ZNF680: variants seen among roughly 807,000 people sequenced by gnomAD.
The protein encoded by ZNF680 is zinc finger protein 680.
In ZNF680, 6 loss-of-function variants were observed where a neutral mutation model predicts 12.1. The observed-to-expected ratio is 0.49, with a 90% CI of 0.27 to 0.98. The LOEUF (loss-of-function observed/expected upper bound fraction) is 0.98, where lower values mean the gene tolerates loss of function less well. Ranked by LOEUF, ZNF680 falls within the 50% of genes least tolerant of loss-of-function variation. The probability of loss-of-function intolerance (pLI) is 0.12; values close to 1 mark genes in which losing one functional copy is unlikely to be tolerated. For missense variants in ZNF680, 561 were observed against 616.3 expected (o/e 0.91, Z 0.95); for synonymous variants, 170 against 199.3 (o/e 0.85, Z 1.24).
intron 1 of ZNF680, among the ~76,000 whole-genome samples, chr7:64,552,357 C>A (rs1459053614): frequency 6.6e-6 from 1 of 152,068 alleles, no homozygotes; most frequent in Non-Finnish European, 1.5e-5. Context: ...TCGGTCACCA[C>A]CAGCACTTTT....
downstream of ZNF680, among the ~76,000 whole-genome samples, chr7:64,517,032 T>TA (rs372270106): frequency 6.6e-6 from 1 of 152,030 alleles, no homozygotes; most frequent in East Asian, 1.9e-4. Context: ...CACAATATAC[T>TA]AAGGTCACAC....
At chr7:64,529,412 A>C (rs930022471) in intron 3 of ZNF680, among the ~76,000 whole-genome samples, 2 of 152,238 alleles carry the variant, frequency 1.3e-5, no homozygotes, top group African/African-American at 4.8e-5. Context: ...AATTCAAAGA[A>C]CAATACACAA....
chr7:64,534,869 G>A (rs891687331), intron 3 of ZNF680, among the ~76,000 whole-genome samples: 2 of 152,164 alleles, frequency 1.3e-5, no homozygotes, highest in Non-Finnish European at 2.9e-5. Context: ...ACCTGGATGA[G>A]ATTGGAGACT....
intron 3 of ZNF680, among the ~76,000 whole-genome samples, chr7:64,528,324 G>GAATCCATCA (rs1322503443): frequency 5.9e-5 from 9 of 152,182 alleles, no homozygotes; most frequent in African/African-American, 1.2e-4. Context: ...CAAAGGGCGA[G>GAATCCATCA]AATCCATCAA....
chr7:64,546,863 G>T (rs1000258248), intron 1 of ZNF680, among the ~76,000 whole-genome samples: 1 of 152,088 alleles, frequency 6.6e-6, no homozygotes, highest in South Asian at 2.1e-4. Context: ...AACCCGAACA[G>T]AACAGGCCCT....
At chr7:64,511,746 A>G in the ZNF680 span, among the ~76,000 whole-genome samples, 1 of 65,396 alleles carries the variant, frequency 1.5e-5, no homozygotes, top group Non-Finnish European at 2.8e-5. Flanking sequence ...GTTTTAATTA[A>G]TAAAAAAAAA....
chr7:64,543,739 C>T lies in ZNF680; in HGVS notation c.221G>A (p.Arg74Lys). The part of the protein sequence containing the change: ...CLEQGKEPWN[R>K]KRQEMVAKPP... ...TTTGGCTACCATCTCCTGTCTCTTC[C>T]TATTCCAGGGCTCTTTTCCTTGCTC... Residue 74 changes from arginine (R) to lysine (K), a missense_variant, in exon 3 of 4, where the codon AGG becomes AAG. Arg to Lys is a conservative substitution (Grantham distance 26, BLOSUM62 2). Coordinates refer to ENST00000309683, the MANE Select transcript of ZNF680 (RefSeq NM_178558.5). The T allele has an allele frequency of 6.2e-7, 1 of 1,613,686 alleles. No individual in the cohort carries two copies. Among genetic ancestry groups the T allele is most frequent in the Non-Finnish European group, 8.5e-7 (1 of 1,179,766 alleles).
chr7:64,539,130 C>CAAAAA (rs529165573), intron 3 of ZNF680, among the ~76,000 whole-genome samples: 3 of 77,702 alleles, frequency 3.9e-5, no homozygotes, highest in Non-Finnish European at 7.1e-5. Flanking sequence ...GACTCCATCT[C>CAAAAA]AAAAAAAAAA....
intron 3 of ZNF680, among the ~76,000 whole-genome samples, chr7:64,539,367 A>AAAAAAAAAAAAAAAAAAAAAAAAAAT (rs1786368427): frequency 7.2e-6 from 1 of 138,528 alleles, no homozygotes; most frequent in Admixed American, 7.4e-5. Flanking sequence ...AAAAAAAAAA[A>AAAAAAAAAAAAAAAAAAAAAAAAAAT]AAAAAAAAGA....
At chr7:64,527,780 G>C (rs778539324) in intron 3 of ZNF680, among the ~76,000 whole-genome samples, 1 of 152,176 alleles carries the variant, frequency 6.6e-6, no homozygotes, top group Non-Finnish European at 1.5e-5. Context: ...ACAAATCTGG[G>C]GGCATCATGG....
chr7:64,534,520 G>A (rs1230094823), intron 3 of ZNF680, among the ~76,000 whole-genome samples: 4 of 152,174 alleles, frequency 2.6e-5, no homozygotes, highest in Non-Finnish European at 5.9e-5. Context: ...AGTAGATGCT[G>A]GCACAGATGC....
chr7:64,527,988 C>T (rs1051675671), intron 3 of ZNF680, among the ~76,000 whole-genome samples: 2 of 152,238 alleles, frequency 1.3e-5, no homozygotes, highest in Admixed American at 6.5e-5. Flanking sequence ...AGTATACAAA[C>T]TGCAGAAGTG....
At chr7:64,549,678 T>TAA (rs535286350) in intron 1 of ZNF680, among the ~76,000 whole-genome samples, 108 of 142,412 alleles carry the variant, frequency 7.6e-4, no homozygotes, top group Admixed American at 1.3e-3. Flanking sequence ...TATGTCTACC[T>TAA]AAAAAAAAAA....
rs561912202 is a variant in ZNF680, at chr7:64,535,743, A to G, written c.253+7964T>C. Among the ~76,000 whole-genome samples the G allele has an allele frequency of 5.0e-3, 754 of 152,186 alleles. 3 individuals carry two copies. Among genetic ancestry groups the G allele is most frequent in the Non-Finnish European group, 8.2e-3 (555 of 68,004 alleles). Reference sequence around the variant, plus strand: ...TGAATCACTTGAGGTCAGGAGTTCGAGACCAGCCTGGACAAAATGATGAAA... The same window carrying G: ...TGAATCACTTGAGGTCAGGAGTTCGGGACCAGCCTGGACAAAATGATGAAA... On this transcript the variant is annotated intron_variant, in intron 3 of 3. Coordinates refer to ENST00000309683, the MANE Select transcript of ZNF680 (RefSeq NM_178558.5).
At chr7:64,529,525 T>C (rs998498384) in intron 3 of ZNF680, among the ~76,000 whole-genome samples, 19 of 151,980 alleles carry the variant, frequency 1.3e-4, no homozygotes, top group South Asian at 6.2e-4. Context: ...AGCAATAGAA[T>C]TGAATGAATA....
the ZNF680 span, among the ~76,000 whole-genome samples, chr7:64,504,110 GAATAC>G: frequency 1.3e-5 from 2 of 152,110 alleles, no homozygotes; most frequent in Non-Finnish European, 2.9e-5. Context: ...TCTGTCAATA[GAATAC>G]TATTATGACC....
Position 64,520,989 on chromosome 7 carries a change from T to C in ZNF680, c.*172A>G. 2 of 661,972 alleles carry C rather than the reference T, an allele frequency of 3.0e-6. No homozygotes were observed. Among genetic ancestry groups the C allele is most frequent in the South Asian group, 4.7e-5 (2 of 42,706 alleles). The allele number at this position is 661,972 out of a possible 1,614,324, so 41.0% of individuals were successfully genotyped here. A position where few individuals can be genotyped will look rare whatever the true frequency, so the allele number is the denominator to read the frequency against. On this transcript the variant is annotated 3_prime_UTR_variant, in exon 4 of 4. Transcript: ENST00000309683. ...CAAGTAAAAATGCTTTCCTGTGCAA[T>C]AAGATGTGAGTATTGGTTAAGTTTT...
At position 64,522,165 on chromosome 7, in the gene ZNF680, G is replaced by T. The variant is rs747891508; in HGVS notation, c.589C>A (p.Leu197Ile). The change falls in exon 4 of 4, where the codon CTA becomes ATA. Residue 197 changes from leucine to isoleucine, a missense_variant. Coordinates refer to ENST00000309683, the MANE Select transcript of ZNF680 (RefSeq NM_178558.5). ...GTGTGAATTCTTATATGTTGTGTTA[G>T]ATGTGAAAGCATGCAAAATGATTTG... ...CGKSFCMLSH[L>I]TQHIRIHTRE... The T allele has an allele frequency of 6.2e-7, 1 of 1,612,972 alleles. No individual in the cohort carries two copies. Among genetic ancestry groups the T allele is most frequent in the East Asian group, 2.2e-5 (1 of 44,800 alleles).
chr7:64,519,854 C>T (rs1478545009), downstream of ZNF680: 10 of 151,656 alleles, frequency 6.6e-5, no homozygotes, highest in Admixed American at 2.0e-4. Context: ...GGCATAATAA[C>T]GCTTCATTGA....
Sources: gnomAD v4.1 joint callset for allele counts (sites outside exome capture counted in the v4.1 genomes callset) on GRCh38, gnomAD v4.1.1 for gene constraint, MANE v1.5 for transcripts, NCBI Gene and HGNC (gene_info 2026-07-23, HGNC 2026-07-21) for gene names.